Variants in ST8SIA1 observed in about 807,000 individuals in gnomAD.
ST8SIA1 encodes the protein alpha-N-acetylneuraminide alpha-2,8-sialyltransferase.
A neutral mutation model predicts 35.9 loss-of-function variants in ST8SIA1; 16 were observed. That is an observed-to-expected ratio of 0.45 (90% confidence interval 0.30 to 0.68). The LOEUF (loss-of-function observed/expected upper bound fraction) is 0.68, where lower values mean the gene tolerates loss of function less well. Ranked by LOEUF, ST8SIA1 falls within the 30% of genes least tolerant of loss-of-function variation. The pLI is 0.09. For missense variants in ST8SIA1, 383 were observed against 453.6 expected, an observed-to-expected ratio of 0.84 and a Z score of 1.41; for synonymous variants, 170 against 169.6, an observed-to-expected ratio of 1.00 and a Z score of -0.02.
chr12:22,249,220 G>GTTTTTTTTT, intron 3 of ST8SIA1, 122 bp from the exon 4 acceptor site: 1 of 439,356 alleles, frequency 2.3e-6, no homozygotes, highest in Non-Finnish European at 4.1e-6. Context: ...TTTGTTTTTT[G>GTTTTTTTTT]TTTTTTTTTT....
At chr12:22,301,350 T>C (rs564070270) in intron 1 of ST8SIA1, among the ~76,000 whole-genome samples, 2 of 152,170 alleles carry the variant, frequency 1.3e-5, no homozygotes, top group South Asian at 2.1e-4. Flanking sequence ...ACTAAACTAA[T>C]AGAAGACTGG....
chr12:22,211,429 G>A (rs1865174612), intron 4 of ST8SIA1, among the ~76,000 whole-genome samples: 1 of 152,094 alleles, frequency 6.6e-6, no homozygotes, highest in African/African-American at 2.4e-5. Flanking sequence ...GCTACCTAGG[G>A]GCTGTCAACC....
At chr12:22,310,935 G>A (rs149489481) in intron 1 of ST8SIA1, among the ~76,000 whole-genome samples, 424 of 152,224 alleles carry the variant, frequency 2.8e-3, no homozygotes, top group African/African-American at 9.5e-3. Context: ...TCTGATAATG[G>A]AGAACATAAT....
intron 2 of ST8SIA1, among the ~76,000 whole-genome samples, chr12:22,257,554 G>A (rs1262225754): frequency 6.6e-6 from 1 of 151,784 alleles, no homozygotes; most frequent in African/African-American, 2.4e-5. Context: ...AGGGTGATCA[G>A]GGAGGAGTTC....
At chr12:22,205,295 G>T (rs1865094390) in intron 4 of ST8SIA1, among the ~76,000 whole-genome samples, 1 of 151,512 alleles carries the variant, frequency 6.6e-6, no homozygotes, top group African/African-American at 2.4e-5. Flanking sequence ...CTACTAAACA[G>T]TAATTTTTAA....
At position 22,333,980 on chromosome 12, in the gene ST8SIA1, C is replaced by T; in HGVS notation, c.236+17G>A. The T allele has an allele frequency of 5.6e-6, 9 of 1,610,690 alleles. No homozygotes were observed. The highest frequency in any genetic ancestry group is 7.6e-6 in the Non-Finnish European group (9 of 1,177,620). ...GGAAAGGACGCTAGAGGGGAGGAGC[C>T]GCGAGGGCAGGAGTACCTGAACGCT... On this transcript the variant is annotated intron_variant, in intron 1 of 4. Coordinates refer to ENST00000396037, the MANE Select transcript of ST8SIA1 (RefSeq NM_003034.4).
chr12:22,238,525 T>C lies in ST8SIA1; in HGVS notation c.584+10481A>G, dbSNP rs73267999. Among the ~76,000 whole-genome samples, 344 of 152,304 alleles carry C rather than the reference T, an allele frequency of 2.3e-3. 1 individual carries two copies. Among genetic ancestry groups the C allele is most frequent in the African/African-American group, 7.3e-3 (304 of 41,564 alleles). ...ACTCCAGCCACCATGTGAGAGATCA[T>C]GAGACAGATCTGTTCAGCCTAGTTC... On this transcript the variant is annotated intron_variant, in intron 4 of 4. Coordinates refer to ENST00000396037, the MANE Select transcript of ST8SIA1 (RefSeq NM_003034.4).
intron 2 of ST8SIA1, among the ~76,000 whole-genome samples, chr12:22,281,594 A>C (rs1475178811): frequency 6.6e-6 from 1 of 152,222 alleles, no homozygotes; most frequent in Non-Finnish European, 1.5e-5. Context: ...TCAAAGCCAA[A>C]AAGAGACTAG....
At chr12:22,216,105 C>T (rs1865231198) in intron 4 of ST8SIA1, among the ~76,000 whole-genome samples, 1 of 152,138 alleles carries the variant, frequency 6.6e-6, no homozygotes. Flanking sequence ...AGTTGGCCAA[C>T]CCTAACTAAT....
intron 1 of ST8SIA1, among the ~76,000 whole-genome samples, chr12:22,318,246 C>T (rs1488863881): frequency 1.3e-5 from 2 of 152,044 alleles, no homozygotes; most frequent in East Asian, 1.9e-4. Flanking sequence ...TGACTGTAGC[C>T]GAAAGGAAAG....
At chr12:22,289,196 G>A (rs1243911588) in intron 1 of ST8SIA1, among the ~76,000 whole-genome samples, 2 of 152,124 alleles carry the variant, frequency 1.3e-5, no homozygotes, top group Admixed American at 1.3e-4. Flanking sequence ...CTGGGGGGAG[G>A]ATAGGCTAAA....
At chr12:22,301,701 C>T (rs1369288979) in intron 1 of ST8SIA1, among the ~76,000 whole-genome samples, 1 of 152,144 alleles carries the variant, frequency 6.6e-6, no homozygotes, top group Non-Finnish European at 1.5e-5. Flanking sequence ...GCTTAGAAAG[C>T]CAATAAAAGC....
At chr12:22,289,632 C>T (rs541002004) in intron 1 of ST8SIA1, among the ~76,000 whole-genome samples, 26 of 152,258 alleles carry the variant, frequency 1.7e-4, no homozygotes, top group African/African-American at 4.1e-4. Flanking sequence ...ACTAGGGAAA[C>T]GGTGGGGCAG....
At chr12:22,308,552 C>T (rs778550180) in intron 1 of ST8SIA1, among the ~76,000 whole-genome samples, 1 of 152,156 alleles carries the variant, frequency 6.6e-6, no homozygotes, top group Non-Finnish European at 1.5e-5. Flanking sequence ...AATATGACAT[C>T]TCTTCAAGAT....
In ST8SIA1 at chr12:22,199,989, T is replaced by C. The variant is rs942623801; in HGVS notation, c.*1563A>G. ...AAATGTAAACACATTTGGCTGCTTG[T>C]AATCTGTCAGTAGAGTTTTCTTACT... On this transcript the variant is annotated 3_prime_UTR_variant, in exon 5 of 5. Coordinates refer to ENST00000396037, the MANE Select transcript of ST8SIA1 (RefSeq NM_003034.4). 2.0e-5 allele frequency: 3 copies of C among 152,218 alleles called. No individual in the cohort carries two copies. The highest frequency in any genetic ancestry group is 2.0e-4 in the Admixed American group (3 of 15,278). The allele number at this position is 152,218 out of a possible 1,614,324, so 9.4% of individuals were successfully genotyped here. A position where few individuals can be genotyped will look rare whatever the true frequency, so the allele number is the denominator to read the frequency against.
At chr12:22,316,662 C>T (rs562010048) in intron 1 of ST8SIA1, among the ~76,000 whole-genome samples, 24 of 152,104 alleles carry the variant, frequency 1.6e-4, no homozygotes, top group African/African-American at 5.5e-4. Flanking sequence ...CAAACATAAA[C>T]GTAAGCAGTC....
intron 1 of ST8SIA1, among the ~76,000 whole-genome samples, chr12:22,300,470 T>A (rs1267358880): frequency 6.6e-6 from 1 of 152,098 alleles, no homozygotes; most frequent in African/African-American, 2.4e-5. Context: ...ATTAGCAAGG[T>A]TTTCTTGAAG....
rs1005195344 is a variant in ST8SIA1, at chr12:22,223,613, C to T, written c.585-21575G>A. The stretch of plus-strand genomic sequence containing the variant: ...TCAAGCAGCATGAGTCTGGAGTGAG[C>T]AGCTGAAGTTGTGGCTTCTCAACGT... On this transcript the variant is annotated intron_variant, in intron 4 of 4. Coordinates refer to ENST00000396037, the MANE Select transcript of ST8SIA1 (RefSeq NM_003034.4). 3.5e-5 allele frequency: 39 copies of T among 1,128,642 alleles called. No homozygotes were observed. In the African/African-American group the frequency reaches 6.1e-4, roughly 18 times the overall value. 69.9% of individuals were successfully genotyped at this position (1,128,642 alleles called of 1,614,324 possible). A position where few individuals can be genotyped will look rare whatever the true frequency, so the allele number is the denominator to read the frequency against.
chr12:22,259,604 T>A (rs1218249397), intron 2 of ST8SIA1, among the ~76,000 whole-genome samples: 1 of 152,118 alleles, frequency 6.6e-6, no homozygotes. Flanking sequence ...TAGCTGGGAC[T>A]ACAGGCACCC....
Sources: gnomAD v4.1 joint callset for allele counts (sites outside exome capture counted in the v4.1 genomes callset) on GRCh38, gnomAD v4.1.1 for gene constraint, MANE v1.5 for transcripts, NCBI Gene and HGNC (gene_info 2026-07-23, HGNC 2026-07-21) for gene names.